The following SAMMSON variants were observed in gnomAD, a reference collection of about 807,000 sequenced individuals.
SAMMSON encodes long intergenic non-protein coding RNA 1212.
chr3:70,065,601 G>C (rs1199248315), intron 3 of SAMMSON, among the ~76,000 whole-genome samples: 1 of 152,060 alleles, frequency 6.6e-6, no homozygotes, highest in Non-Finnish European at 1.5e-5. Flanking sequence ...TCTACTGCAA[G>C]AGTTCTCCCT....
intron 3 of SAMMSON, among the ~76,000 whole-genome samples, chr3:70,028,150 C>T (rs200332698): frequency 4.7e-5 from 2 of 42,202 alleles, no homozygotes; most frequent in East Asian, 8.8e-4. Flanking sequence ...TTCTTTCCTT[C>T]CTTCCTTCCT....
At chr3:70,433,869 G>T (rs1044020228) in intron 2 of SAMMSON, among the ~76,000 whole-genome samples, 1 of 152,152 alleles carries the variant, frequency 6.6e-6, no homozygotes, top group Non-Finnish European at 1.5e-5. Flanking sequence ...GATGTAGATA[G>T]TTGATAGTTC....
chr3:70,275,830 C>A (rs1353369187), intron 6 of SAMMSON, among the ~76,000 whole-genome samples: 2 of 152,122 alleles, frequency 1.3e-5, no homozygotes, highest in Non-Finnish European at 2.9e-5. Context: ...AAAATAAGAA[C>A]TTTTCTGCTA....
chr3:70,363,995 G>A (rs1470120846), intron 9 of SAMMSON, among the ~76,000 whole-genome samples: 1 of 151,776 alleles, frequency 6.6e-6, no homozygotes, highest in African/African-American at 2.4e-5. Context: ...ATGTATACAT[G>A]TTTTTAATTT....
intron 3 of SAMMSON, among the ~76,000 whole-genome samples, chr3:70,052,084 C>T (rs1348262640): frequency 1.3e-5 from 2 of 151,946 alleles, no homozygotes; most frequent in African/African-American, 4.8e-5. Flanking sequence ...GGCAATACAG[C>T]GAGGACCTGT....
chr3:70,432,546 G>A (rs1701422571), intron 2 of SAMMSON, among the ~76,000 whole-genome samples: 1 of 151,848 alleles, frequency 6.6e-6, no homozygotes, highest in Admixed American at 6.6e-5. Context: ...AGTACAGAAT[G>A]TTCCCATATA....
At chr3:70,349,695 G>C (rs994813522) in intron 7 of SAMMSON, among the ~76,000 whole-genome samples, 6 of 152,146 alleles carry the variant, frequency 3.9e-5, no homozygotes, top group African/African-American at 1.4e-4. Flanking sequence ...TAATGTACAA[G>C]GAAACAGTAT....
At chr3:70,082,613 A>G (rs1241966549) in intron 4 of SAMMSON, among the ~76,000 whole-genome samples, 1 of 152,150 alleles carries the variant, frequency 6.6e-6, no homozygotes, top group African/African-American at 2.4e-5. Context: ...GAGGGAACAC[A>G]ATGTAGTCAG....
chr3:70,332,266 G>A (rs1702626223), intron 7 of SAMMSON, among the ~76,000 whole-genome samples: 1 of 152,060 alleles, frequency 6.6e-6, no homozygotes, highest in Non-Finnish European at 1.5e-5. Context: ...TTTTCTCTTC[G>A]TTAGAACTCT....
Position 70,276,256 on chromosome 3 carries a change from A to G in SAMMSON, n.675-14923A>G, listed in dbSNP as rs141167687. On this transcript the variant is annotated intron_variant and non_coding_transcript_variant, in intron 6 of 9. Transcript: ENST00000642114. ...TTTTTTACTAAGTGTATTTAAAGCT[A>G]TTTTAAAAGCATAAATATTATTCTT... Among the ~76,000 whole-genome samples, 5 of 152,280 alleles carry G rather than the reference A, an allele frequency of 3.3e-5. No homozygotes were observed. The East Asian group carries it at 9.6e-4, about 29-fold the overall frequency.
At chr3:70,185,648 G>T (rs1701086376) in intron 4 of SAMMSON, among the ~76,000 whole-genome samples, 1 of 152,052 alleles carries the variant, frequency 6.6e-6, no homozygotes, top group Non-Finnish European at 1.5e-5. Context: ...GGCAGATGCA[G>T]AAGTATCACC....
chr3:70,126,048 C>T, intron 4 of SAMMSON: 3 of 1,016,140 alleles, frequency 3.0e-6, no homozygotes, highest in Non-Finnish European at 4.5e-6. Context: ...TCATTTTATT[C>T]ATAAGATGAA....
Position 70,062,568 on chromosome 3 carries a change from G to T in SAMMSON, n.418-8908G>T, listed in dbSNP as rs1047065447. On this transcript the variant is annotated intron_variant and non_coding_transcript_variant, in intron 3 of 9. Coordinates refer to ENST00000642114, the Ensembl canonical transcript of SAMMSON. The stretch of plus-strand genomic sequence containing the variant: ...TTGTCAGACACAAACATTTTGAGAT[G>T]CTCTTCATGATCTTTCTGTAGCAGT... Among the ~76,000 whole-genome samples the T allele has an allele frequency of 3.0e-4, 45 of 152,076 alleles. 2 individuals carry two copies.
intron 7 of SAMMSON, among the ~76,000 whole-genome samples, chr3:70,330,268 C>T (rs1702612069): frequency 6.6e-6 from 1 of 151,822 alleles, no homozygotes; most frequent in Non-Finnish European, 1.5e-5. Flanking sequence ...AAATCTTAAT[C>T]ATGAACTTAT....
chr3:70,182,989 A>C (rs1170761328), intron 4 of SAMMSON, among the ~76,000 whole-genome samples: 1 of 152,210 alleles, frequency 6.6e-6, no homozygotes, highest in East Asian at 1.9e-4. Context: ...TGAGCATTAA[A>C]AAGTCTTTCT....
chr3:70,029,188 A>T (rs1356425828), intron 3 of SAMMSON, among the ~76,000 whole-genome samples: 1 of 152,206 alleles, frequency 6.6e-6, no homozygotes, highest in East Asian at 1.9e-4. Flanking sequence ...ATTGGTTTTT[A>T]TCAGAATAAT....
chr3:70,065,017 A>G (rs1446632216), intron 3 of SAMMSON, among the ~76,000 whole-genome samples: 2 of 152,106 alleles, frequency 1.3e-5, no homozygotes, highest in Non-Finnish European at 2.9e-5. Context: ...CTGCAGTTTG[A>G]TTTCAGATGT....
chr3:70,249,903 G>T (rs1701744537), intron 6 of SAMMSON, among the ~76,000 whole-genome samples: 2 of 152,126 alleles, frequency 1.3e-5, no homozygotes, highest in South Asian at 2.1e-4. Context: ...GGGGGCAAGA[G>T]AATTTTCTGG....
intron 4 of SAMMSON, among the ~76,000 whole-genome samples, chr3:70,221,433 G>A (rs898381916): frequency 6.6e-6 from 1 of 152,144 alleles, no homozygotes; most frequent in Non-Finnish European, 1.5e-5. Flanking sequence ...AACTGGTAAA[G>A]ATTAGGAGGA....
Sources: allele counts gnomAD v4.1 joint callset (sites outside exome capture counted in the v4.1 genomes callset), GRCh38; gene constraint gnomAD v4.1.1; transcripts MANE v1.5; gene names NCBI Gene and HGNC (gene_info 2026-07-23, HGNC 2026-07-21).